KLF12: variants seen among roughly 807,000 people sequenced by gnomAD.
The protein encoded by KLF12 is KLF transcription factor 12.
Under a neutral mutation model 37.8 loss-of-function variants are expected in KLF12, and 9 were observed. The observed-to-expected ratio is 0.24, with a 90% confidence interval of 0.14 to 0.42. The LOEUF (loss-of-function observed/expected upper bound fraction) is 0.42, where lower values mean the gene tolerates loss of function less well. Among genes scored for constraint, KLF12 ranks in the 10% least tolerant of loss-of-function variants. The pLI, the probability that KLF12 is intolerant of heterozygous loss-of-function variation, is 1.00. For missense variants in KLF12, 411 were observed against 516.0 expected (o/e 0.80, Z 1.97); for synonymous variants, 208 against 202.1 (o/e 1.03, Z -0.25).
At chr13:74,232,975 T>C in the KLF12 span, among the ~76,000 whole-genome samples, 1 of 152,164 alleles carries the variant, frequency 6.6e-6, no homozygotes, top group African/African-American at 2.4e-5. Flanking sequence ...AACCTCCGCC[T>C]CCTGGGTTCA....
At chr13:74,025,992 T>C (rs1892967147) in intron 1 of KLF12, among the ~76,000 whole-genome samples, 1 of 152,206 alleles carries the variant, frequency 6.6e-6, no homozygotes, top group African/African-American at 2.4e-5. Context: ...AGTGAAACAG[T>C]TGAGTTTTGG....
intron 2 of KLF12, among the ~76,000 whole-genome samples, chr13:73,990,830 G>T (rs1219894657): frequency 6.6e-6 from 1 of 151,842 alleles, no homozygotes; most frequent in Non-Finnish European, 1.5e-5. Flanking sequence ...AATATTCTTT[G>T]TAAGAGATGC....
Position 73,919,518 on chromosome 13 carries a change from A to T in KLF12, c.123+24463T>A, listed in dbSNP as rs144739245. ...TAGAAAACAAAATGAATCCACAGTA[A>T]TTTTTTTTAAAAAAAGGTCTAAATT... On this transcript the variant is annotated intron_variant, in intron 3 of 7. Coordinates refer to ENST00000377669, the MANE Select transcript of KLF12 (RefSeq NM_007249.5). 5.5e-3 allele frequency among the ~76,000 whole-genome samples: 844 copies of T among 152,146 alleles called. 5 individuals carry two copies. The highest frequency in any genetic ancestry group is 0.018 in the African/African-American group (733 of 41,510).
At chr13:73,993,027 T>C (rs1218826083) in intron 2 of KLF12, among the ~76,000 whole-genome samples, 1 of 152,146 alleles carries the variant, frequency 6.6e-6, no homozygotes, top group Non-Finnish European at 1.5e-5. Context: ...AGGTCAGATG[T>C]TCAAGACCAG....
chr13:74,122,980 G>C (rs199762567), intron 1 of KLF12, among the ~76,000 whole-genome samples: 1 of 87,874 alleles, frequency 1.1e-5, no homozygotes, highest in Non-Finnish European at 2.5e-5. Flanking sequence ...AAAAAAAAAA[G>C]AATGAATTTA....
At chr13:74,168,291 C>T in the KLF12 span, among the ~76,000 whole-genome samples, 1 of 152,358 alleles carries the variant, frequency 6.6e-6, no homozygotes, top group East Asian at 1.9e-4. Context: ...GGGACACCCC[C>T]TTCAGCTGCT....
At chr13:74,290,200 C>G in the KLF12 span, among the ~76,000 whole-genome samples, 1 of 152,242 alleles carries the variant, frequency 6.6e-6, no homozygotes, top group South Asian at 2.1e-4. Context: ...CAAGTTTAGT[C>G]TCTGCAGCCG....
chr13:73,715,694 A>C (rs1382307408), intron 6 of KLF12, among the ~76,000 whole-genome samples, 169 bp from the exon 7 acceptor site: 1 of 152,144 alleles, frequency 6.6e-6, no homozygotes, highest in Non-Finnish European at 1.5e-5. Flanking sequence ...CGAAACCTGA[A>C]AGGCAGGCAG....
At chr13:73,998,764 A>T (rs1174737842) in intron 1 of KLF12, among the ~76,000 whole-genome samples, 2 of 152,200 alleles carry the variant, frequency 1.3e-5, no homozygotes, top group African/African-American at 4.8e-5. Context: ...ACTTAAAGCT[A>T]TTTCTGTTTC....
intron 3 of KLF12, among the ~76,000 whole-genome samples, chr13:73,912,883 G>A (rs992699060): frequency 1.3e-5 from 2 of 152,042 alleles, no homozygotes; most frequent in Non-Finnish European, 2.9e-5. Context: ...CTCACAGCAT[G>A]AAGCTTTAGG....
the KLF12 span, among the ~76,000 whole-genome samples, chr13:74,298,528 G>T: frequency 6.6e-6 from 1 of 152,206 alleles, no homozygotes; most frequent in African/African-American, 2.4e-5. Flanking sequence ...GTTCTATTGA[G>T]CAGTAGTGTT....
intron 3 of KLF12, among the ~76,000 whole-genome samples, chr13:73,929,552 C>A (rs1404873325): frequency 6.6e-6 from 1 of 152,134 alleles, no homozygotes; most frequent in Non-Finnish European, 1.5e-5. Flanking sequence ...ACAACAGAAT[C>A]CCCTCCGTAT....
chr13:74,092,952 C>G (rs946389343), intron 1 of KLF12, among the ~76,000 whole-genome samples: 4 of 152,210 alleles, frequency 2.6e-5, no homozygotes, highest in African/African-American at 9.7e-5. Context: ...TTCCTTTTCA[C>G]TGTACAAACA....
chr13:73,989,911 T>TA (rs1566495602), intron 2 of KLF12, among the ~76,000 whole-genome samples: 2 of 151,832 alleles, frequency 1.3e-5, no homozygotes, highest in African/African-American at 4.8e-5. Flanking sequence ...TAATTACACA[T>TA]AAAAGTTTCT....
intron 7 of KLF12, among the ~76,000 whole-genome samples, chr13:73,704,383 C>G (rs1874772925): frequency 6.6e-6 from 1 of 152,186 alleles, no homozygotes; most frequent in African/African-American, 2.4e-5. Flanking sequence ...GTAATTCCAT[C>G]TACTCAGGTA....
At chr13:73,777,900 G>A (rs1432584690) in intron 5 of KLF12, among the ~76,000 whole-genome samples, 1 of 151,278 alleles carries the variant, frequency 6.6e-6, no homozygotes, top group East Asian at 2.0e-4. Context: ...GGGAGGCCGA[G>A]GCGGGCAGAT....
At chr13:74,043,199 T>G (rs1893453892) in intron 1 of KLF12, among the ~76,000 whole-genome samples, 1 of 152,230 alleles carries the variant, frequency 6.6e-6, no homozygotes, top group Non-Finnish European at 1.5e-5. Flanking sequence ...CCACTCATGG[T>G]CAGAGGAAAA....
chr13:74,292,194 G>C, the KLF12 span, among the ~76,000 whole-genome samples: 2 of 152,300 alleles, frequency 1.3e-5, no homozygotes, highest in East Asian at 1.9e-4. Flanking sequence ...TGATTCAAGA[G>C]CTCTCTCTCT....
At chr13:74,265,562 C>G in the KLF12 span, among the ~76,000 whole-genome samples, 1 of 152,080 alleles carries the variant, frequency 6.6e-6, no homozygotes, top group Non-Finnish European at 1.5e-5. Context: ...GATAATGGCT[C>G]CCAAATTACA....
Sources: gnomAD v4.1 joint callset for allele counts (sites outside exome capture counted in the v4.1 genomes callset) on GRCh38, gnomAD v4.1.1 for gene constraint, MANE v1.5 for transcripts, NCBI Gene and HGNC (gene_info 2026-07-23, HGNC 2026-07-21) for gene names.